Variants in PTPRT observed in about 807,000 individuals in gnomAD.
The protein encoded by PTPRT is protein tyrosine phosphatase receptor type T, also known as receptor-type tyrosine-protein phosphatase T.
A neutral mutation model predicts 176.8 loss-of-function variants in PTPRT; 56 were observed. That is an observed-to-expected ratio of 0.32 (90% CI 0.26 to 0.40). PTPRT has a LOEUF of 0.40. PTPRT is among the 10% of genes least tolerant of loss of function. The pLI is 1.00. For synonymous variants in PTPRT, 783 were observed against 739.0 expected (o/e 1.06, Z -0.96); for missense variants, 1,540 against 1,908.2 (o/e 0.81, Z 3.60).
intron 9 of PTPRT, among the ~76,000 whole-genome samples, chr20:42,419,180 C>T (rs757732275): frequency 3.9e-5 from 6 of 152,300 alleles, no homozygotes; most frequent in Non-Finnish European, 4.4e-5. Flanking sequence ...AGGCCCCTGA[C>T]TTTCAGTGTC....
intron 15 of PTPRT, among the ~76,000 whole-genome samples, chr20:42,213,278 A>G (rs905373687): frequency 6.6e-6 from 1 of 152,248 alleles, no homozygotes; most frequent in African/African-American, 2.4e-5. Context: ...CTGAATTAGT[A>G]AAGTTTCATT....
intron 1 of PTPRT, among the ~76,000 whole-genome samples, chr20:42,965,479 T>C (rs1982239394): frequency 6.6e-6 from 1 of 152,210 alleles, no homozygotes; most frequent in South Asian, 2.1e-4. Flanking sequence ...TTTTTACATA[T>C]AGTGTATATA....
At chr20:43,036,953 G>A (rs572628063) in intron 1 of PTPRT, among the ~76,000 whole-genome samples, 2 of 152,342 alleles carry the variant, frequency 1.3e-5, no homozygotes, top group East Asian at 3.9e-4. Flanking sequence ...AATTTTCTAA[G>A]TGATAGGATT....
At chr20:42,755,801 G>C (rs1431376532) in intron 6 of PTPRT, among the ~76,000 whole-genome samples, 1 of 152,130 alleles carries the variant, frequency 6.6e-6, no homozygotes, top group African/African-American at 2.4e-5. Flanking sequence ...ACTGCAAATG[G>C]GGGGGTTTAA....
chr20:42,630,859 A>G (rs2074390014), intron 7 of PTPRT, among the ~76,000 whole-genome samples: 1 of 152,132 alleles, frequency 6.6e-6, no homozygotes, highest in Non-Finnish European at 1.5e-5. Context: ...TAACCTCAGA[A>G]CTATGGAAAG....
intron 9 of PTPRT, among the ~76,000 whole-genome samples, chr20:42,389,714 G>A (rs1305760939): frequency 2.6e-5 from 4 of 151,944 alleles, no homozygotes; most frequent in Non-Finnish European, 5.9e-5. Context: ...ATACAGCTGG[G>A]CATGGTGGTA....
At chr20:42,320,644 AC>A (rs2057787314) in intron 11 of PTPRT, among the ~76,000 whole-genome samples, 1 of 152,188 alleles carries the variant, frequency 6.6e-6, no homozygotes, top group African/African-American at 2.4e-5. Context: ...CCCAGAAGAA[AC>A]TAGTAAAGGA....
chr20:42,054,701 A>C, the PTPRT span, among the ~76,000 whole-genome samples: 2 of 152,124 alleles, frequency 1.3e-5, no homozygotes, highest in African/African-American at 4.8e-5. Context: ...TTCCACCCAC[A>C]TTCCTTCTCT....
chr20:42,323,086 C>T (rs1242335041), intron 11 of PTPRT, among the ~76,000 whole-genome samples: 3 of 151,950 alleles, frequency 2.0e-5, no homozygotes, highest in Non-Finnish European at 2.9e-5. Context: ...GTTAAAATGG[C>T]AGTCATTAAA....
In PTPRT at chr20:42,084,575, G is replaced by T. The variant is rs1057412424; in HGVS notation, c.4136+107C>A. The T allele has an allele frequency of 1.8e-5, 18 of 1,000,568 alleles. No individual in the cohort carries two copies. In the South Asian group the frequency reaches 5.0e-4, roughly 28 times the overall value. 62.0% of individuals were successfully genotyped at this position (1,000,568 alleles called of 1,614,324 possible). A position where few individuals can be genotyped will look rare whatever the true frequency, so the allele number is the denominator to read the frequency against. On this transcript the variant is annotated intron_variant, in intron 29 of 30. Coordinates refer to ENST00000373187, the MANE Select transcript of PTPRT (RefSeq NM_007050.6). ...TAGCCTTTGAGGGATGTTGAGTTGT[G>T]GTATAGCCAGGCCTGCCTAGGACTG...
intron 9 of PTPRT, among the ~76,000 whole-genome samples, chr20:42,401,144 TA>T (rs1458189196): frequency 6.8e-6 from 1 of 147,000 alleles, no homozygotes; most frequent in Admixed American, 6.6e-5. Context: ...AATAAATAAA[TA>T]AATAAATAAA....
chr20:42,042,732 C>G, the PTPRT span, among the ~76,000 whole-genome samples: 10 of 152,242 alleles, frequency 6.6e-5, no homozygotes, highest in Admixed American at 2.6e-4. Context: ...CACTCACCAG[C>G]CTTATAGCCA....
intron 14 of PTPRT, among the ~76,000 whole-genome samples, chr20:42,247,277 C>A (rs1022471728): frequency 1.3e-5 from 2 of 152,220 alleles, no homozygotes; most frequent in Non-Finnish European, 2.9e-5. Context: ...TATGGTTGAT[C>A]CAAAGCAGAA....
At chr20:42,203,690 T>G (rs146047660) in intron 15 of PTPRT, among the ~76,000 whole-genome samples, 2 of 152,338 alleles carry the variant, frequency 1.3e-5, no homozygotes, top group East Asian at 3.9e-4. Context: ...CATGTCTTCT[T>G]GACCTTAATC....
chr20:43,063,988 T>C (rs558335202), intron 1 of PTPRT, among the ~76,000 whole-genome samples: 1 of 152,188 alleles, frequency 6.6e-6, no homozygotes, highest in East Asian at 1.9e-4. Context: ...TTGACTTTCC[T>C]TATATTTACC....
chr20:43,134,136 C>T (rs911835402), intron 1 of PTPRT, among the ~76,000 whole-genome samples: 1 of 152,098 alleles, frequency 6.6e-6, no homozygotes, highest in Non-Finnish European at 1.5e-5. Flanking sequence ...GGGAAATCTA[C>T]AGAACAAATA....
chr20:43,045,345 C>T (rs1986789043), intron 1 of PTPRT, among the ~76,000 whole-genome samples: 1 of 152,150 alleles, frequency 6.6e-6, no homozygotes, highest in African/African-American at 2.4e-5. Context: ...TACAATAACC[C>T]AATCTTTATT....
chr20:43,154,998 G>A (rs11086863), intron 1 of PTPRT, among the ~76,000 whole-genome samples: 39,836 of 152,012 alleles, frequency 0.26, 6,577 homozygotes, highest in Non-Finnish European at 0.38. Flanking sequence ...CAACTACAAC[G>A]AGATATCATC....
intron 1 of PTPRT, among the ~76,000 whole-genome samples, chr20:43,100,961 C>A (rs1310498705): frequency 6.6e-6 from 1 of 152,146 alleles, no homozygotes; most frequent in African/African-American, 2.4e-5. Flanking sequence ...AATTCCCAGG[C>A]AAAGCAAAAG....
Sources: allele counts gnomAD v4.1 joint callset (sites outside exome capture counted in the v4.1 genomes callset), GRCh38; gene constraint gnomAD v4.1.1; transcripts MANE v1.5; gene names NCBI Gene and HGNC (gene_info 2026-07-23, HGNC 2026-07-21).